EPB41L3: variants seen among roughly 807,000 people sequenced by gnomAD.
EPB41L3 encodes the protein band 4.1-like protein 3.
In EPB41L3, 57 loss-of-function variants were observed where a neutral mutation model predicts 127.1. The ratio of observed to expected loss-of-function variants is 0.45; its 90% CI spans 0.36 to 0.56. The LOEUF (loss-of-function observed/expected upper bound fraction) is 0.56. EPB41L3 is among the 20% of genes least tolerant of loss of function. EPB41L3 has a pLI of 0.00. For missense variants in EPB41L3, 1,273 were observed against 1,372.2 expected (o/e 0.93, Z 1.14); for synonymous variants, 572 against 549.5 (o/e 1.04, Z -0.57).
chr18:5,416,467 T>C (rs1482132262), intron 12 of EPB41L3, 89 bp from the exon 13 acceptor site: 23 of 1,353,294 alleles, frequency 1.7e-5, no homozygotes, highest in Non-Finnish European at 2.1e-5. Flanking sequence ...AATTTTCTTA[T>C]GGGTATCAAT....
At chr18:5,531,940 C>G (rs1027269541) in intron 1 of EPB41L3, among the ~76,000 whole-genome samples, 1 of 151,964 alleles carries the variant, frequency 6.6e-6, no homozygotes, top group Non-Finnish European at 1.5e-5. Flanking sequence ...AACACTATTA[C>G]AAGGAAAGGC....
At chr18:5,401,060 G>C in intron 16 of EPB41L3, 1 of 1,513,438 alleles carries the variant, frequency 6.6e-7, no homozygotes. Context: ...GAATAAAGGG[G>C]GTTGGGTTGG....
chr18:5,533,526 C>T (rs1312407610), intron 1 of EPB41L3, among the ~76,000 whole-genome samples: 1 of 152,152 alleles, frequency 6.6e-6, no homozygotes, highest in African/African-American at 2.4e-5. Context: ...TCAAGTTTCA[C>T]ATATATAAGT....
At chr18:5,521,713 T>C (rs966064434) in intron 1 of EPB41L3, among the ~76,000 whole-genome samples, 1 of 152,184 alleles carries the variant, frequency 6.6e-6, no homozygotes, top group Admixed American at 6.5e-5. Flanking sequence ...CTAACACAGA[T>C]GTTACAGGCT....
chr18:5,571,576 A>G (rs115246163), intron 3 of EPB41L3, among the ~76,000 whole-genome samples: 2,868 of 152,310 alleles, frequency 0.019, 69 homozygotes, highest in African/African-American at 0.059. Context: ...TTAAACGTTT[A>G]CAAATTACTG....
chr18:5,542,890 G>C (rs995300365), intron 1 of EPB41L3, among the ~76,000 whole-genome samples: 1 of 152,210 alleles, frequency 6.6e-6, no homozygotes, highest in Admixed American at 6.5e-5. Context: ...CGAGATTAGA[G>C]GGGAAATCCG....
At chr18:5,547,446 AAATACTGAAAC>A (rs1264342987), upstream of EPB41L3, among the ~76,000 whole-genome samples, 1 of 152,216 alleles carries the variant, frequency 6.6e-6, no homozygotes, top group Non-Finnish European at 1.5e-5. Flanking sequence ...AGTGTTATGC[AAATACTGAAAC>A]AATCCATGGA....
intron 11 of EPB41L3, among the ~76,000 whole-genome samples, chr18:5,422,607 G>C (rs2077616521): frequency 6.6e-6 from 1 of 152,202 alleles, no homozygotes; most frequent in Admixed American, 6.5e-5. Context: ...CAGAGACCTA[G>C]ACATGATTCA....
chr18:5,414,099 TC>T (rs2144616754), intron 13 of EPB41L3, among the ~76,000 whole-genome samples: 1 of 152,254 alleles, frequency 6.6e-6, no homozygotes, highest in African/African-American at 2.4e-5. Context: ...GATGACTAAC[TC>T]GACTGTTAAA....
Position 5,397,821 on chromosome 18 carries a change from T to C in EPB41L3, c.2472+200A>G, listed in dbSNP as rs1325340409. On this transcript the variant is annotated intron_variant, in intron 17 of 22. Transcript: ENST00000341928. The surrounding 1 kb of genome is among the most constrained non-coding windows in gnomAD (Gnocchi z 4.1). ...TTTCTCAATATGATCGCCTTTCGAA[T>C]AGTGAAGTACATTCTTGAGATGCAA... 6.6e-6 allele frequency among the ~76,000 whole-genome samples: 1 copy of C among 152,150 alleles called. No individual in the cohort carries two copies. Among genetic ancestry groups the C allele is most frequent in the Non-Finnish European group, 1.5e-5 (1 of 68,034 alleles).
intron 1 of EPB41L3, among the ~76,000 whole-genome samples, chr18:5,510,304 C>T (rs764633943): frequency 4.6e-5 from 7 of 152,062 alleles, no homozygotes; most frequent in Non-Finnish European, 1.0e-4. Flanking sequence ...CCCTAAGGAC[C>T]CTGGTATAGC....
At chr18:5,423,352 A>T (rs1568098767) in intron 11 of EPB41L3, 26 bp downstream of exon 11, 1 of 1,580,006 alleles carries the variant, frequency 6.3e-7, no homozygotes, top group African/African-American at 1.3e-5. Flanking sequence ...GTACTAGGTT[A>T]TTAAGGGCCA....
At chr18:5,545,406 G>C (rs952494863), upstream of EPB41L3, among the ~76,000 whole-genome samples, 4 of 152,168 alleles carry the variant, frequency 2.6e-5, no homozygotes, top group Non-Finnish European at 5.9e-5. Flanking sequence ...GACGTGGGGA[G>C]ACTTGGCGCA....
intron 3 of EPB41L3, among the ~76,000 whole-genome samples, chr18:5,592,320 C>G (rs2094493360): frequency 6.6e-6 from 1 of 152,132 alleles, no homozygotes; most frequent in Admixed American, 6.5e-5. Context: ...GTGTATGCCA[C>G]CATGCCTGGC....
chr18:5,539,324 C>G (rs1298401975), intron 1 of EPB41L3, among the ~76,000 whole-genome samples: 3 of 151,934 alleles, frequency 2.0e-5, no homozygotes, highest in Non-Finnish European at 2.9e-5. Flanking sequence ...AAAATGTCAG[C>G]AATCTAAAAA....
At chr18:5,418,681 C>CA (rs1203476679) in intron 12 of EPB41L3, among the ~76,000 whole-genome samples, 2 of 152,022 alleles carry the variant, frequency 1.3e-5, no homozygotes, top group Non-Finnish European at 2.9e-5. Flanking sequence ...AATCTTATCC[C>CA]AAAAAATAAA....
intron 1 of EPB41L3, among the ~76,000 whole-genome samples, chr18:5,534,162 CAAAAAAAAGAA>C (rs1037258568): frequency 6.6e-5 from 10 of 151,092 alleles, no homozygotes; most frequent in South Asian, 2.1e-4. Context: ...GACTCCGTCT[CAAAAAAAAGAA>C]AAAAGAAAGA....
chr18:5,539,767 C>G (rs1484476916), intron 1 of EPB41L3: 1 of 152,192 alleles, frequency 6.6e-6, no homozygotes, highest in Non-Finnish European at 1.5e-5. Flanking sequence ...ATCATTTATT[C>G]AACACTAATT....
intron 3 of EPB41L3, among the ~76,000 whole-genome samples, chr18:5,599,256 A>G (rs1599218160): frequency 6.6e-6 from 1 of 152,224 alleles, no homozygotes; most frequent in Admixed American, 6.5e-5. Flanking sequence ...CACACAGGAA[A>G]TATTACTCCC....
Sources: allele counts gnomAD v4.1 joint callset (sites outside exome capture counted in the v4.1 genomes callset), GRCh38; gene constraint gnomAD v4.1.1; non-coding constraint Gnocchi (gnomAD v3.1); transcripts MANE v1.5; gene names NCBI Gene and HGNC (gene_info 2026-07-23, HGNC 2026-07-21).